The following GLIS3 variants were observed in gnomAD, a reference collection of about 807,000 sequenced individuals.
The protein encoded by GLIS3 is zinc finger protein GLIS3.
In GLIS3, 53 loss-of-function variants were observed where a neutral mutation model predicts 78.6. The observed-to-expected ratio is 0.67, with a 90% CI of 0.54 to 0.85. The LOEUF (loss-of-function observed/expected upper bound fraction) is 0.85. GLIS3 is among the 40% of genes least tolerant of loss of function. The pLI is 0.00. For synonymous variants in GLIS3, 684 were observed against 509.9 expected, an observed-to-expected ratio of 1.34 and a Z score of -4.60; for missense variants, 1,703 against 1,231.1, an observed-to-expected ratio of 1.38 and a Z score of -5.74.
the GLIS3 span, among the ~76,000 whole-genome samples, chr9:4,440,042 G>T: frequency 6.6e-6 from 1 of 152,136 alleles, no homozygotes; most frequent in Non-Finnish European, 1.5e-5. Flanking sequence ...TAATAGGTTT[G>T]TTTTCTTGCT....
intron 4 of GLIS3, among the ~76,000 whole-genome samples, chr9:4,032,051 C>G (rs929776833): frequency 1.9e-4 from 29 of 152,074 alleles, no homozygotes; most frequent in African/African-American, 6.8e-4. Context: ...GTACAGGGAT[C>G]AGGAGGTCAG....
intron 2 of GLIS3, among the ~76,000 whole-genome samples, chr9:4,282,063 C>T (rs1245958674): frequency 1.3e-5 from 2 of 152,162 alleles, no homozygotes; most frequent in African/African-American, 2.4e-5. Flanking sequence ...CATGAGCCTT[C>T]CATCAAAGAT....
the GLIS3 span, among the ~76,000 whole-genome samples, chr9:4,418,434 G>A: frequency 6.6e-6 from 1 of 152,156 alleles, no homozygotes; most frequent in Non-Finnish European, 1.5e-5. Context: ...ACTAAGTATT[G>A]GAAATGACTT....
chr9:4,064,297 T>C (rs1043707770), intron 4 of GLIS3, among the ~76,000 whole-genome samples: 3 of 152,070 alleles, frequency 2.0e-5, no homozygotes, highest in African/African-American at 7.2e-5. Context: ...AAAACACAGA[T>C]TTTTTAAAAA....
intron 4 of GLIS3, among the ~76,000 whole-genome samples, chr9:4,111,528 T>C (rs1384944219): frequency 6.6e-6 from 1 of 152,180 alleles, no homozygotes; most frequent in East Asian, 1.9e-4. Flanking sequence ...CTAAACTGTG[T>C]TTTGGGATAT....
intron 2 of GLIS3, among the ~76,000 whole-genome samples, chr9:4,126,314 C>G (rs931958601): frequency 8.5e-5 from 13 of 152,148 alleles, no homozygotes; most frequent in African/African-American, 3.1e-4. Context: ...TTGAATCACC[C>G]AGCAAGGAAA....
At chr9:4,352,026 A>C (rs1369228292), upstream of GLIS3, among the ~76,000 whole-genome samples, 1 of 152,210 alleles carries the variant, frequency 6.6e-6, no homozygotes, top group Non-Finnish European at 1.5e-5. Flanking sequence ...CAATTTTCTA[A>C]AATCTCTTTC....
chr9:4,188,336 G>C (rs200766666), intron 2 of GLIS3, among the ~76,000 whole-genome samples: 10,377 of 148,400 alleles, frequency 0.07, 527 homozygotes, highest in East Asian at 0.23. Context: ...TTGCATCCCA[G>C]GGATGAAGCC....
chr9:3,934,394 T>A (rs571080632), intron 5 of GLIS3, among the ~76,000 whole-genome samples: 39 of 152,010 alleles, frequency 2.6e-4, no homozygotes, highest in African/African-American at 9.4e-4. Context: ...AGGTTGGTAA[T>A]GTCATTTTCT....
intron 2 of GLIS3, among the ~76,000 whole-genome samples, chr9:4,127,762 A>G (rs1443663776): frequency 6.9e-6 from 1 of 144,848 alleles, no homozygotes; most frequent in African/African-American, 2.6e-5. Flanking sequence ...AAGCAACATC[A>G]ATTATCAAGT....
chr9:4,475,447 T>C, the GLIS3 span, among the ~76,000 whole-genome samples: 1 of 152,236 alleles, frequency 6.6e-6, no homozygotes, highest in Non-Finnish European at 1.5e-5. Context: ...GTCTATGCTA[T>C]TCTTTGTGGT....
the GLIS3 span, among the ~76,000 whole-genome samples, chr9:4,468,842 A>G: frequency 6.6e-6 from 1 of 152,238 alleles, no homozygotes; most frequent in Non-Finnish European, 1.5e-5. Context: ...ACAGACTGGC[A>G]AATTGGATAA....
intron 4 of GLIS3, among the ~76,000 whole-genome samples, chr9:3,944,355 A>G (rs1395323661): frequency 1.3e-5 from 2 of 152,230 alleles, no homozygotes; most frequent in African/African-American, 4.8e-5. Flanking sequence ...GCATTATATC[A>G]TAACTGGGAA....
Position 3,987,702 on chromosome 9 carries a change from A to C in GLIS3, c.1711-50513T>G, listed in dbSNP as rs1588394898. Among the ~76,000 whole-genome samples, 4 of 149,618 alleles carry C rather than the reference A, an allele frequency of 2.7e-5. No individual in the cohort carries two copies. In the East Asian group the frequency reaches 5.8e-4, roughly 22 times the overall value. On this transcript the variant is annotated intron_variant, in intron 4 of 10. Coordinates refer to ENST00000381971, the MANE Select transcript of GLIS3 (RefSeq NM_001042413.2). ...ACAAGAGTGAAACAACGTTTAAAAA[A>C]AAAAAAGAAAAAGAAAAGAAAAGAA...
At chr9:4,071,807 T>C (rs1013521406) in intron 4 of GLIS3, 1 of 152,206 alleles carries the variant, frequency 6.6e-6, no homozygotes, top group African/African-American at 2.4e-5. Flanking sequence ...ATTAAGGTGG[T>C]TTTATAATTT....
rs112868808 is a variant in GLIS3, at chr9:4,155,386, G to A, written c.389-29445C>T. The stretch of plus-strand genomic sequence containing the variant: ...CATGGCGCATTTTGTCCATAATCAA[G>A]TAACTTTCCCAAGCTCGTGACCTGG... On this transcript the variant is annotated intron_variant, in intron 2 of 10. Transcript: ENST00000381971. Among the ~76,000 whole-genome samples, 483 of 152,306 alleles carry A rather than the reference G, an allele frequency of 3.2e-3. 1 individual carries two copies. Among genetic ancestry groups the A allele is most frequent in the African/African-American group, 0.011 (463 of 41,566 alleles).
At chr9:4,298,202 G>A (rs1284675352) in intron 1 of GLIS3, among the ~76,000 whole-genome samples, 2 of 152,080 alleles carry the variant, frequency 1.3e-5, no homozygotes, top group Non-Finnish European at 2.9e-5. Context: ...GCCGGAGCCT[G>A]TAGCCCGGGG....
chr9:4,244,646 C>G (rs1406224321), intron 2 of GLIS3, among the ~76,000 whole-genome samples: 2 of 152,078 alleles, frequency 1.3e-5, no homozygotes, highest in Admixed American at 1.3e-4. Context: ...GCAATCTTGG[C>G]TCACTGCAAC....
chr9:3,965,193 C>CTTTTTTTTTTTTTTTTTTT (rs34951383), intron 4 of GLIS3, among the ~76,000 whole-genome samples: 7 of 100,160 alleles, frequency 7.0e-5, no homozygotes, highest in Non-Finnish European at 9.2e-5. Context: ...CTTTTCTTTT[C>CTTTTTTTTTTTTTTTTTTT]TTTTTTTTTT....
Sources: gnomAD v4.1 joint callset for allele counts (sites outside exome capture counted in the v4.1 genomes callset) on GRCh38, gnomAD v4.1.1 for gene constraint, MANE v1.5 for transcripts, NCBI Gene and HGNC (gene_info 2026-07-23, HGNC 2026-07-21) for gene names.